The following NUP85 variants were observed in gnomAD, a reference collection of about 807,000 sequenced individuals.
The protein encoded by NUP85 is nucleoporin 85, also known as nuclear pore complex protein Nup85.
A neutral mutation model predicts 92.8 loss-of-function variants in NUP85; 23 were observed. The ratio of observed to expected loss-of-function variants is 0.25; its 90% CI spans 0.18 to 0.35. NUP85 has a LOEUF of 0.35. NUP85 is among the 10% of genes least tolerant of loss of function. The probability of loss-of-function intolerance (pLI) is 1.00; values close to 1 mark genes in which losing one functional copy is unlikely to be tolerated. For missense variants in NUP85, 759 were observed against 822.8 expected (o/e 0.92, Z 0.95); for synonymous variants, 314 against 306.9 (o/e 1.02, Z -0.24).
intron 4 of NUP85, among the ~76,000 whole-genome samples, 189 bp downstream of exon 4, chr17:75,212,251 T>TG (rs2075295657): frequency 3.6e-4 from 1 of 2,782 alleles, no homozygotes; most frequent in African/African-American, 5.0e-4. Context: ...GTTGTTGTTT[T>TG]TTTTTTTTTT....
intron 5 of NUP85, 101 bp downstream of exon 5, chr17:75,213,220 C>T (rs1379632806): frequency 1.0e-6 from 1 of 987,418 alleles, no homozygotes; most frequent in Non-Finnish European, 1.6e-6. Context: ...GAAGTCTCTT[C>T]TTTTCAGGTA....
intron 3 of NUP85, among the ~76,000 whole-genome samples, chr17:75,210,505 T>C (rs1243049490): frequency 6.6e-6 from 1 of 152,230 alleles, no homozygotes; most frequent in Admixed American, 6.5e-5. Context: ...ATCTCCGTGG[T>C]TGGATCTTAA....
intron 5 of NUP85, among the ~76,000 whole-genome samples, chr17:75,214,175 C>T (rs1427041803): frequency 6.6e-6 from 1 of 152,148 alleles, no homozygotes; most frequent in East Asian, 1.9e-4. Context: ...TTGCAAGTGG[C>T]TCTACTTTAC....
Position 75,232,870 on chromosome 17 carries a change from C to A in NUP85, c.1416C>A (p.Ile472=). Residue 472 remains isoleucine (I), a synonymous_variant, in exon 15 of 19, where the codon ATC becomes ATA. Coordinates refer to ENST00000245544, the MANE Select transcript of NUP85 (RefSeq NM_024844.5). ...GCAAAGTTCGCAGCATTTGTAAGAT[C>A]TTAGCCATGAAAGCCGTCCGCAACA... The part of the protein sequence containing the change: ...MTEQVRSICK[I]LAMKAVRNNR... 6.2e-7 allele frequency: 1 copy of A among 1,614,214 alleles called. No individual in the cohort carries two copies. The highest frequency in any genetic ancestry group is 1.1e-5 in the South Asian group (1 of 91,080).
intron 6 of NUP85, chr17:75,216,219 TAACTCTGCCAATGGGTATG>T (rs1485292713): frequency 4.2e-5 from 8 of 190,810 alleles, no homozygotes; most frequent in Non-Finnish European, 6.4e-5. Flanking sequence ...CTCTGTGTGT[TAACTCTGCCAATGGGTATG>T]AACTCTGCCA....
Position 75,226,031 on chromosome 17 carries a change from G to A in NUP85, c.988-20G>A, listed in dbSNP as rs1367494855. ...TCTGCTTCCGTCCTCAGGATTGAGTGTCTCATCACCTTTCCACAGTCCAGC... is the reference window on the plus strand; with the variant it reads ...TCTGCTTCCGTCCTCAGGATTGAGTATCTCATCACCTTTCCACAGTCCAGC... On this transcript the variant is annotated intron_variant, in intron 10 of 18. Coordinates refer to ENST00000245544, the MANE Select transcript of NUP85 (RefSeq NM_024844.5). 7 of 1,612,802 alleles carry A rather than the reference G, an allele frequency of 4.3e-6. No individual in the cohort carries two copies. Among genetic ancestry groups the A allele is most frequent in the Non-Finnish European group, 5.9e-6 (7 of 1,179,032 alleles).
At chr17:75,227,330 T>TTTG (rs1445963184) in intron 11 of NUP85, among the ~76,000 whole-genome samples, 1 of 139,350 alleles carries the variant, frequency 7.2e-6, no homozygotes, top group African/African-American at 2.8e-5. Context: ...TTCTGGGTTT[T>TTTG]TTTTTTTTTT....
At chr17:75,229,893 G>A (rs780500218) in intron 11 of NUP85, among the ~76,000 whole-genome samples, 3 of 152,010 alleles carry the variant, frequency 2.0e-5, no homozygotes, top group African/African-American at 7.2e-5. Flanking sequence ...CAATGGTTTC[G>A]ACATAACCAT....
At position 75,211,996 on chromosome 17, in the gene NUP85, G is replaced by C. The variant is rs763442784; in HGVS notation, c.295G>C (p.Val99Leu). ...LTGKSRKSQL[V>L]RVSKNYRSVI... ...GTGTTATTTCATTTTTTGTAGATTG[G>C]TTCGAGTGAGTAAAAACTACCGATC... Residue 99 changes from valine (V) to leucine (L), a missense_variant, in exon 4 of 19, where the codon GTT becomes CTT. Transcript: ENST00000245544. 4.3e-6 allele frequency: 7 copies of C among 1,612,304 alleles called. No homozygotes were observed. In the South Asian group the frequency reaches 4.4e-5, roughly 10 times the overall value.
intron 3 of NUP85, among the ~76,000 whole-genome samples, chr17:75,211,365 C>G (rs1404116980): frequency 6.6e-6 from 1 of 151,264 alleles, no homozygotes; most frequent in Admixed American, 6.6e-5. Flanking sequence ...TCTATTGTCA[C>G]TTCTAGGAAA....
intron 14 of NUP85, 50 bp from the exon 15 acceptor site, chr17:75,232,801 G>A (rs1397660330): frequency 9.8e-6 from 15 of 1,530,890 alleles, no homozygotes; most frequent in African/African-American, 4.1e-5. Context: ...CTCAGGAATG[G>A]AGTGATTTGT....
intron 7 of NUP85, among the ~76,000 whole-genome samples, chr17:75,220,968 G>A (rs8081492): frequency 0.92 from 135,379 of 147,884 alleles, 62,844 homozygotes; most frequent in Non-Finnish European, 1. Flanking sequence ...TGCAAGCTCC[G>A]CCTCCCGGGT....
chr17:75,213,218 T>G, intron 5 of NUP85, 99 bp downstream of exon 5: 1 of 1,013,294 alleles, frequency 9.9e-7, no homozygotes, highest in Non-Finnish European at 1.5e-6. Context: ...CAGAAGTCTC[T>G]TCTTTTCAGG....
At chr17:75,207,219 T>A (rs985093652) in intron 1 of NUP85, among the ~76,000 whole-genome samples, 1 of 151,482 alleles carries the variant, frequency 6.6e-6, no homozygotes, top group Non-Finnish European at 1.5e-5. Context: ...GTTTCCCTCT[T>A]GTCGCCCAGG....
rs150650595 is a variant in NUP85 at position 75,232,954 on chromosome 17, G to A, written c.1500G>A (p.Thr500=). Residue 500 remains threonine (T), a synonymous_variant, in exon 15 of 19, where the codon ACG becomes ACA. Coordinates refer to ENST00000245544, the MANE Select transcript of NUP85 (RefSeq NM_024844.5). ...SIRAKDAAFA[T]LVSDRFLRDY... Reference sequence around the variant, plus strand: ...GTGCTAAGGATGCCGCCTTTGCCACGCTCGTGTCAGACAGGTGGGTGCCGC... The same window carrying A: ...GTGCTAAGGATGCCGCCTTTGCCACACTCGTGTCAGACAGGTGGGTGCCGC... 5.9e-5 allele frequency: 96 copies of A among 1,614,140 alleles called. No individual in the cohort carries two copies. The East Asian group carries it at 7.1e-4, about 12-fold the overall frequency.
At position 75,226,152 on chromosome 17, in the gene NUP85, G is replaced by A. The variant is rs750613625; in HGVS notation, c.1089G>A (p.Glu363=). The change falls in exon 11 of 19, where the codon GAG becomes GAA. Residue 363 remains glutamate, a synonymous_variant. Coordinates refer to ENST00000245544, the MANE Select transcript of NUP85 (RefSeq NM_024844.5). ...FEFDIHQVIK[E]CSIALSNWWF... is the part of the protein sequence containing the mutation. The stretch of plus-strand genomic sequence containing the variant: ...TTGACATCCATCAAGTAATCAAAGA[G>A]TGCAGGTAGGATCTCTCCCACCCCC... 4 of 1,613,494 alleles carry A rather than the reference G, an allele frequency of 2.5e-6. No homozygotes were observed. Among genetic ancestry groups the A allele is most frequent in the Admixed American group, 1.7e-5 (1 of 60,008 alleles).
chr17:75,208,418 C>A, intron 1 of NUP85, 109 bp from the exon 2 acceptor site: 1 of 722,962 alleles, frequency 1.4e-6, no homozygotes, highest in Non-Finnish European at 2.4e-6. Flanking sequence ...GTACACCAGC[C>A]TGTTAGAGTG....
intron 10 of NUP85, 103 bp downstream of exon 10, chr17:75,225,932 C>T: frequency 6.3e-7 from 1 of 1,592,990 alleles, no homozygotes; most frequent in Non-Finnish European, 8.6e-7. Flanking sequence ...AAGACCCTTT[C>T]CTTTGGCCCT....
At position 75,231,171 on chromosome 17, in the gene NUP85, T is replaced by C; in HGVS notation, c.1095-169T>C. Reference sequence around the variant, plus strand: ...CTTAAATTCCTGGACTCAGGTGATCTGCCTGCCTTGGCCTCCCAAAGTACT... The same window carrying C: ...CTTAAATTCCTGGACTCAGGTGATCCGCCTGCCTTGGCCTCCCAAAGTACT... On this transcript the variant is annotated intron_variant, in intron 11 of 18. Coordinates refer to ENST00000245544, the MANE Select transcript of NUP85 (RefSeq NM_024844.5). The surrounding 1 kb of genome is among the most constrained non-coding windows in gnomAD (Gnocchi z 4.6). The C allele has an allele frequency of 1.5e-6, 1 of 663,660 alleles. No homozygotes were observed. Among genetic ancestry groups the C allele is most frequent in the South Asian group, 1.7e-5 (1 of 57,594 alleles). The allele number at this position is 663,660 out of a possible 1,614,324, so 41.1% of individuals were successfully genotyped here. A position where few individuals can be genotyped will look rare whatever the true frequency, so the allele number is the denominator to read the frequency against.
Sources: gnomAD v4.1 joint callset for allele counts (sites outside exome capture counted in the v4.1 genomes callset) on GRCh38, gnomAD v4.1.1 for gene constraint, Gnocchi (gnomAD v3.1) non-coding constraint, MANE v1.5 for transcripts, NCBI Gene and HGNC (gene_info 2026-07-23, HGNC 2026-07-21) for gene names.